IL1RAPL2: variants seen among roughly 807,000 people sequenced by gnomAD.
IL1RAPL2 encodes X-linked interleukin-1 receptor accessory protein-like 2.
In IL1RAPL2, 3 loss-of-function variants were observed where a neutral mutation model predicts 44.1. The observed-to-expected ratio is 0.07, with a 90% CI of 0.03 to 0.18. The LOEUF (loss-of-function observed/expected upper bound fraction) is 0.18, where lower values mean the gene tolerates loss of function less well. Among genes scored for constraint, IL1RAPL2 ranks in the 10% least tolerant of loss-of-function variants. IL1RAPL2 has a pLI of 1.00. For synonymous variants in IL1RAPL2, 181 were observed against 178.8 expected (o/e 1.01, Z -0.10); for missense variants, 391 against 496.4 (o/e 0.79, Z 2.02).
At chrX:104,645,954 A>G (rs996211681) in intron 1 of IL1RAPL2, among the ~76,000 whole-genome samples, 1 of 112,444 alleles carries the variant, frequency 8.9e-6, no homozygotes, top group Non-Finnish European at 1.9e-5. Context: ...AATGATTCAT[A>G]CCAAATTGGT....
intron 2 of IL1RAPL2, among the ~76,000 whole-genome samples, chrX:104,828,929 T>A (rs921849915): frequency 1.8e-5 from 2 of 112,228 alleles, no homozygotes; most frequent in African/African-American, 6.5e-5. Context: ...TTTACCCTGT[T>A]AGGGGAGAAC....
chrX:104,695,689 T>G (rs766961338), intron 2 of IL1RAPL2, among the ~76,000 whole-genome samples: 4 of 111,061 alleles, frequency 3.6e-5, no homozygotes, highest in South Asian at 7.8e-4. Context: ...AGAACAGGCA[T>G]CCAGATATAA....
intron 2 of IL1RAPL2, among the ~76,000 whole-genome samples, chrX:104,889,482 G>A (rs1241867372): frequency 2.7e-5 from 3 of 111,648 alleles, no homozygotes; most frequent in Non-Finnish European, 5.6e-5. Flanking sequence ...ACCCAGCCAA[G>A]GTATATTCTT....
At chrX:105,283,584 G>A (rs1321651557) in intron 5 of IL1RAPL2, among the ~76,000 whole-genome samples, 1 of 111,147 alleles carries the variant, frequency 9.0e-6, no homozygotes, top group Non-Finnish European at 1.9e-5. Context: ...TTTACTAATA[G>A]GGTAGACAGT....
chrX:104,622,714 A>G (rs1437115261), intron 1 of IL1RAPL2, among the ~76,000 whole-genome samples: 1 of 111,033 alleles, frequency 9.0e-6, no homozygotes, highest in East Asian at 2.8e-4. Flanking sequence ...CACAGGATAT[A>G]ACTGCAATTT....
chrX:105,518,418 A>G (rs978700100), intron 6 of IL1RAPL2, among the ~76,000 whole-genome samples: 2 of 111,570 alleles, frequency 1.8e-5, no homozygotes, highest in African/African-American at 6.5e-5. Context: ...GCATTCAATC[A>G]TCAGTCCAAA....
intron 2 of IL1RAPL2, among the ~76,000 whole-genome samples, chrX:104,942,860 A>G (rs1382503210): frequency 2.7e-5 from 3 of 111,445 alleles, no homozygotes; most frequent in African/African-American, 9.8e-5. Context: ...TTATTTTGAG[A>G]TACGTCCCAT....
intron 1 of IL1RAPL2, among the ~76,000 whole-genome samples, chrX:104,610,023 G>A (rs1360098460): frequency 1.8e-5 from 2 of 111,575 alleles, no homozygotes; most frequent in Non-Finnish European, 3.8e-5. Context: ...GGTGACCTAC[G>A]GATGGAGTTT....
chrX:105,295,348 T>A (rs1256187233), intron 5 of IL1RAPL2, among the ~76,000 whole-genome samples: 1 of 111,810 alleles, frequency 8.9e-6, no homozygotes, highest in African/African-American at 3.2e-5. Flanking sequence ...GGTGAGTATC[T>A]TTTTAAATAA....
intron 5 of IL1RAPL2, among the ~76,000 whole-genome samples, chrX:105,347,846 G>A (rs892751315): frequency 9.0e-5 from 10 of 111,275 alleles, no homozygotes; most frequent in African/African-American, 2.9e-4. Flanking sequence ...CACCTTTGTC[G>A]TCAAGCTATG....
At chrX:105,345,786 A>T (rs147165776) in intron 5 of IL1RAPL2, among the ~76,000 whole-genome samples, 1,778 of 111,612 alleles carry the variant, frequency 0.016, 20 homozygotes, top group Middle Eastern at 0.05. Flanking sequence ...TTGTTTGCCT[A>T]CACTTCTAAG....
At position 105,767,678 on chromosome X, in the gene IL1RAPL2, C is replaced by T; in HGVS notation, c.*17C>T. 1 of 1,065,114 alleles carries T rather than the reference C, an allele frequency of 9.4e-7. No homozygotes were observed. The highest frequency in any genetic ancestry group is 1.3e-6 in the Non-Finnish European group (1 of 766,853). The allele number at this position is 1,065,114 out of a possible 1,213,427, so 87.8% of individuals were successfully genotyped here. A position where few individuals can be genotyped will look rare whatever the true frequency, so the allele number is the denominator to read the frequency against. ...ATTTGGTAGTGAAAAATCTGAATTC[C>T]TCTGAACAGCTAGATAAGCATAGAG... On this transcript the variant is annotated 3_prime_UTR_variant, in exon 11 of 11. Transcript: ENST00000372582.
chrX:105,406,855 G>A (rs1185857618), intron 5 of IL1RAPL2: 1 of 1,137,325 alleles, frequency 8.8e-7, no homozygotes, highest in East Asian at 3.0e-5. Context: ...TAACCTGAGA[G>A]TGGCTACCTT....
intron 2 of IL1RAPL2, among the ~76,000 whole-genome samples, chrX:104,963,545 G>T (rs1317507947): frequency 1.8e-5 from 2 of 111,555 alleles, no homozygotes; most frequent in African/African-American, 6.5e-5. Flanking sequence ...AGTCACCCCT[G>T]GATCTTGTTG....
In IL1RAPL2 at chrX:104,851,160, T is replaced by G. The variant is rs1327608820; in HGVS notation, c.82+192165T>G. On this transcript the variant is annotated intron_variant, in intron 2 of 10. Transcript: ENST00000372582. ...TTGCACTCACCATTTAGAATGGTTA[T>G]TTTTGCTCTTGGAAGATGTTTAGAA... Among the ~76,000 whole-genome samples the G allele has an allele frequency of 2.7e-5, 3 of 111,296 alleles. No individual in the cohort carries two copies. The Admixed American group carries it at 2.9e-4, about 11-fold the overall frequency.
intron 5 of IL1RAPL2, among the ~76,000 whole-genome samples, chrX:105,450,192 C>A (rs977093433): frequency 1.8e-5 from 2 of 111,876 alleles, no homozygotes; most frequent in African/African-American, 6.5e-5. Context: ...GGTGACAGGG[C>A]AGCGCTGAGT....
intron 5 of IL1RAPL2, among the ~76,000 whole-genome samples, chrX:105,333,844 T>C (rs1461191178): frequency 9.0e-6 from 1 of 111,634 alleles, no homozygotes; most frequent in Admixed American, 9.5e-5. Context: ...AAATGGCAAA[T>C]GGCTTTCATC....
At chrX:105,336,358 C>T (rs954546337) in intron 5 of IL1RAPL2, among the ~76,000 whole-genome samples, 2 of 112,452 alleles carry the variant, frequency 1.8e-5, no homozygotes, top group African/African-American at 6.5e-5. Flanking sequence ...TTCTTGCCTT[C>T]TATGCTATGA....
At chrX:105,222,742 A>C (rs1282808437) in intron 3 of IL1RAPL2, among the ~76,000 whole-genome samples, 3 of 112,229 alleles carry the variant, frequency 2.7e-5, no homozygotes, top group South Asian at 3.7e-4. Flanking sequence ...AATGCTGAGG[A>C]TAATGCCCAG....
Sources: gnomAD v4.1 joint callset for allele counts (sites outside exome capture counted in the v4.1 genomes callset) on GRCh38, gnomAD v4.1.1 for gene constraint, MANE v1.5 for transcripts, NCBI Gene and HGNC (gene_info 2026-07-23, HGNC 2026-07-21) for gene names.